Variants in RPIA observed in about 807,000 individuals in gnomAD.
The protein encoded by RPIA is ribose-5-phosphate isomerase.
In RPIA, 29 loss-of-function variants were observed where a neutral mutation model predicts 37.8. The observed-to-expected ratio is 0.77, with a 90% CI of 0.57 to 1.05. The LOEUF is 1.05. Ranked by LOEUF, RPIA falls within the 50% of genes least tolerant of loss-of-function variation. RPIA has a pLI of 0.00. For missense variants in RPIA, 385 were observed against 413.6 expected (o/e 0.93, Z 0.60); for synonymous variants, 167 against 157.0 (o/e 1.06, Z -0.48).
chr2:88,714,792 C>T (rs192905968), intron 3 of RPIA, among the ~76,000 whole-genome samples: 16 of 152,302 alleles, frequency 1.1e-4, no homozygotes, highest in African/African-American at 3.8e-4. Flanking sequence ...TCTCCTGAAC[C>T]TGGGCATGAA....
intron 3 of RPIA, among the ~76,000 whole-genome samples, chr2:88,701,047 G>T (rs529786004): frequency 2.0e-5 from 3 of 152,142 alleles, no homozygotes; most frequent in Non-Finnish European, 4.4e-5. Context: ...CTCTGGTGAA[G>T]GGAGAGAGGT....
In RPIA at chr2:88,750,581, A is replaced by G. The variant is rs1347297830; in HGVS notation, c.*503A>G. 1 of 411,558 alleles carries G rather than the reference A, an allele frequency of 2.4e-6. No homozygotes were observed. Among genetic ancestry groups the G allele is most frequent in the Non-Finnish European group, 4.3e-6 (1 of 233,030 alleles). The allele number at this position is 411,558 out of a possible 1,614,324, so 25.5% of individuals were successfully genotyped here. A position where few individuals can be genotyped will look rare whatever the true frequency, so the allele number is the denominator to read the frequency against. On this transcript the variant is annotated 3_prime_UTR_variant, in exon 9 of 9. Transcript: ENST00000283646. ...GTTAGTTTTTATTGTGAGCACACAT[A>G]GTACCTAGTTACATCTTAAGATCAG...
At position 88,691,712 on chromosome 2, in the gene RPIA, G is replaced by A. The variant is rs1676933532; in HGVS notation, c.14G>A (p.Gly5Glu). The A allele has an allele frequency of 6.3e-7, 1 of 1,580,166 alleles. No individual in the cohort carries two copies. Among genetic ancestry groups the A allele is most frequent in the Non-Finnish European group, 8.5e-7 (1 of 1,170,228 alleles). Residue 5 changes from glycine to glutamate, a missense_variant, in exon 1 of 9, where the codon GGG becomes GAG. By Grantham distance (98) the Gly-to-Glu change is moderately conservative (BLOSUM62 -2). This residue lies in a region of RPIA where 232 missense variants were observed against 203.0 expected (regional missense o/e 1.14). Coordinates refer to ENST00000283646, the MANE Select transcript of RPIA (RefSeq NM_144563.3). Reference protein sequence around the residue: MQRPGPFSTLYGRVL... With the variant: MQRPEPFSTLYGRVL... ...CGAGGCGTCGGGATGCAGCGCCCCG[G>A]GCCCTTCAGCACCCTCTACGGGCGG... is the stretch of plus-strand genomic sequence containing the variant.
Position 88,691,688 on chromosome 2 carries a change from G to T in RPIA, c.-11G>T, listed in dbSNP as rs767772658. The stretch of plus-strand genomic sequence containing the variant: ...GCGGGACTTCAGCGGAGGCCGGAGC[G>T]AGGCGTCGGGATGCAGCGCCCCGGG... On this transcript the variant is annotated 5_prime_UTR_variant, in exon 1 of 9. Transcript: ENST00000283646. The T allele has an allele frequency of 1.5e-4, 228 of 1,567,928 alleles. No homozygotes were observed. Among genetic ancestry groups the T allele is most frequent in the Middle Eastern group, 2.3e-4 (1 of 4,268 alleles).
chr2:88,734,757 T>C, intron 5 of RPIA, 141 bp downstream of exon 5: 1 of 892,860 alleles, frequency 1.1e-6, no homozygotes, highest in Non-Finnish European at 1.8e-6. Flanking sequence ...GCATATGGCC[T>C]TAGACCCAAC....
chr2:88,723,947 G>A (rs906768538), intron 3 of RPIA, among the ~76,000 whole-genome samples: 5 of 152,096 alleles, frequency 3.3e-5, no homozygotes, highest in Admixed American at 6.5e-5. Context: ...AAGTATATAA[G>A]AGACAAATGG....
At chr2:88,727,128 C>T (rs1015454218) in intron 3 of RPIA, among the ~76,000 whole-genome samples, 1 of 151,984 alleles carries the variant, frequency 6.6e-6, no homozygotes, top group Admixed American at 6.5e-5. Context: ...CATGTGTGCG[C>T]ATGCGAGAGA....
intron 4 of RPIA, among the ~76,000 whole-genome samples, chr2:88,733,026 A>G (rs1201636459): frequency 6.6e-6 from 1 of 152,270 alleles, no homozygotes; most frequent in Non-Finnish European, 1.5e-5. Context: ...CTAATGCCAC[A>G]GGTTTTAAGT....
chr2:88,725,026 T>C (rs1301366867), intron 3 of RPIA, among the ~76,000 whole-genome samples: 1 of 152,238 alleles, frequency 6.6e-6, no homozygotes, highest in Non-Finnish European at 1.5e-5. Flanking sequence ...ATGAGACGTT[T>C]AGAGGTACCA....
At chr2:88,736,709 G>A in intron 7 of RPIA, 33 bp downstream of exon 7, 1 of 1,593,280 alleles carries the variant, frequency 6.3e-7, no homozygotes, top group South Asian at 1.1e-5. Context: ...GGGTGTGCTG[G>A]GTGCACTCAG....
chr2:88,742,928 A>G (rs1673400758), intron 8 of RPIA, among the ~76,000 whole-genome samples: 1 of 152,098 alleles, frequency 6.6e-6, no homozygotes, highest in Non-Finnish European at 1.5e-5. Context: ...CATTTATCAG[A>G]TCTAAGAGCT....
At chr2:88,694,232 C>G (rs1208717973) in intron 1 of RPIA, among the ~76,000 whole-genome samples, 1 of 152,232 alleles carries the variant, frequency 6.6e-6, no homozygotes, top group Non-Finnish European at 1.5e-5. Context: ...CACTGATTTC[C>G]TGGGCCAGTC....
chr2:88,692,108 G>C, intron 1 of RPIA, 125 bp downstream of exon 1: 1 of 1,235,258 alleles, frequency 8.1e-7, no homozygotes, highest in Non-Finnish European at 1.1e-6. Flanking sequence ...TGAGAGGGTA[G>C]AGGGTGTGCA....
At chr2:88,694,468 T>A (rs1676987202) in intron 1 of RPIA, among the ~76,000 whole-genome samples, 1 of 152,202 alleles carries the variant, frequency 6.6e-6, no homozygotes, top group Non-Finnish European at 1.5e-5. Context: ...ACTGTAAAGC[T>A]AGAGTTCCTA....
At position 88,737,907 on chromosome 2, in the gene RPIA, C is replaced by A. The variant is rs529616905; in HGVS notation, c.739-70C>A. The A allele has an allele frequency of 4.3e-6, 5 of 1,151,926 alleles. No homozygotes were observed. In the South Asian group the frequency reaches 6.2e-5, roughly 14 times the overall value. 71.4% of individuals were successfully genotyped at this position (1,151,926 alleles called of 1,614,324 possible). A position where few individuals can be genotyped will look rare whatever the true frequency, so the allele number is the denominator to read the frequency against. ...ATGCATACTTGTCTTTGGTTATCCC[C>A]TCTACTTTCCTGTCCTTCTCTGCCT... On this transcript the variant is annotated intron_variant, in intron 7 of 8. Coordinates refer to ENST00000283646, the MANE Select transcript of RPIA (RefSeq NM_144563.3).
At chr2:88,728,619 A>G (rs1673227087) in intron 3 of RPIA, among the ~76,000 whole-genome samples, 2 of 152,226 alleles carry the variant, frequency 1.3e-5, no homozygotes, top group African/African-American at 4.8e-5. Context: ...AATCCTGCTC[A>G]GAGCCAAAAT....
intron 3 of RPIA, among the ~76,000 whole-genome samples, chr2:88,727,098 C>T (rs895789123): frequency 3.4e-5 from 5 of 148,728 alleles, no homozygotes; most frequent in East Asian, 1.9e-4. Context: ...TGTGTGTGTG[C>T]GCGCGCATGT....
intron 3 of RPIA, among the ~76,000 whole-genome samples, chr2:88,718,336 T>C (rs1673061068): frequency 6.6e-6 from 1 of 151,432 alleles, no homozygotes; most frequent in African/African-American, 2.5e-5. Context: ...GCAGCAAGAA[T>C]AATAATTACT....
intron 1 of RPIA, among the ~76,000 whole-genome samples, chr2:88,696,211 G>A (rs1360688222): frequency 6.6e-6 from 1 of 152,150 alleles, no homozygotes; most frequent in Admixed American, 6.5e-5. Flanking sequence ...GAAATCTTAA[G>A]AAATTTGAAA....
Sources: gnomAD v4.1 joint callset for allele counts (sites outside exome capture counted in the v4.1 genomes callset) on GRCh38, gnomAD v4.1.1 for gene constraint, gnomAD v4.1.1 regional missense constraint, MANE v1.5 for transcripts, NCBI Gene and HGNC (gene_info 2026-07-23, HGNC 2026-07-21) for gene names.